Variants in GABRB2 observed in about 807,000 individuals in gnomAD.
GABRB2 encodes the protein gamma-aminobutyric acid receptor subunit beta-2.
A neutral mutation model predicts 54.7 loss-of-function variants in GABRB2; 16 were observed. That is an observed-to-expected ratio of 0.29 (90% CI 0.20 to 0.44). The LOEUF (loss-of-function observed/expected upper bound fraction) is 0.44. Among genes scored for constraint, GABRB2 ranks in the 20% least tolerant of loss-of-function variants. The probability of loss-of-function intolerance (pLI) is 1.00; values close to 1 mark genes in which losing one functional copy is unlikely to be tolerated. For synonymous variants in GABRB2, 244 were observed against 233.8 expected (o/e 1.04, Z -0.40); for missense variants, 355 against 644.0 (o/e 0.55, Z 4.86).
chr5:161,441,788 C>T (rs1001835005), intron 4 of GABRB2, among the ~76,000 whole-genome samples: 8 of 152,060 alleles, frequency 5.3e-5, no homozygotes, highest in Non-Finnish European at 1.2e-4. Flanking sequence ...GGAATAAGAT[C>T]CATTCATTTG....
intron 3 of GABRB2, among the ~76,000 whole-genome samples, chr5:161,523,520 TACAAC>T: frequency 6.6e-6 from 1 of 151,508 alleles, no homozygotes; most frequent in Non-Finnish European, 1.5e-5. Flanking sequence ...CATCTGAAAT[TACAAC>T]AATTTCAGAT....
chr5:161,369,600 G>C (rs2113465590), intron 5 of GABRB2, among the ~76,000 whole-genome samples: 1 of 151,932 alleles, frequency 6.6e-6, no homozygotes. Context: ...TGCATGTTAA[G>C]TTGTTTAAAT....
chr5:161,344,734 C>T (rs1380659485), intron 5 of GABRB2, among the ~76,000 whole-genome samples: 3 of 152,150 alleles, frequency 2.0e-5, no homozygotes, highest in African/African-American at 7.2e-5. Context: ...ACTATAAAGA[C>T]ACATGTACGC....
Position 161,347,457 on chromosome 5 carries a change from C to T in GABRB2, c.542-10688G>A, listed in dbSNP as rs114523479. Among the ~76,000 whole-genome samples, 966 of 152,138 alleles carry T rather than the reference C, an allele frequency of 6.3e-3. 10 individuals are homozygous for T. The highest frequency in any genetic ancestry group is 0.022 in the African/African-American group (911 of 41,526). On this transcript the variant is annotated intron_variant, in intron 5 of 9. Coordinates refer to ENST00000393959, the MANE Select transcript of GABRB2 (RefSeq NM_001371727.1). Reference sequence around the variant, plus strand: ...TTTGTAATGTGACTTTGCAGCTCCCCGCATGCAGAGGTAGAGTATTTCCCC... The same window carrying T: ...TTTGTAATGTGACTTTGCAGCTCCCTGCATGCAGAGGTAGAGTATTTCCCC...
At chr5:161,360,380 C>T (rs1172304899) in intron 5 of GABRB2, among the ~76,000 whole-genome samples, 1 of 151,958 alleles carries the variant, frequency 6.6e-6, no homozygotes, top group Admixed American at 6.5e-5. Flanking sequence ...AAAGAGGTTC[C>T]CAAGAGGCAA....
chr5:161,454,681 CTGAT>C (rs1757897166), intron 4 of GABRB2, among the ~76,000 whole-genome samples: 1 of 152,152 alleles, frequency 6.6e-6, no homozygotes, highest in East Asian at 1.9e-4. Context: ...TTATTTTACA[CTGAT>C]TGATCACTGA....
intron 2 of GABRB2, 145 bp from the exon 3 acceptor site, chr5:161,545,439 A>T: frequency 6.7e-6 from 1 of 149,124 alleles, no homozygotes; most frequent in Non-Finnish European, 1.2e-5. Context: ...TTTTTTGTTA[A>T]AAAAAAAAAA....
intron 5 of GABRB2, among the ~76,000 whole-genome samples, chr5:161,405,196 A>C (rs1422771511): frequency 1.3e-5 from 2 of 152,018 alleles, no homozygotes; most frequent in Non-Finnish European, 2.9e-5. Context: ...TCCTCAGGGT[A>C]AATGTTCCGT....
At chr5:161,410,898 A>G in intron 5 of GABRB2, 77 bp downstream of exon 5, 1 of 1,109,934 alleles carries the variant, frequency 9.0e-7, no homozygotes. Flanking sequence ...TGGTCTGGAC[A>G]TGAGCCAGGA....
At chr5:161,402,507 A>G (rs1752605843) in intron 5 of GABRB2, among the ~76,000 whole-genome samples, 1 of 152,224 alleles carries the variant, frequency 6.6e-6, no homozygotes, top group South Asian at 2.1e-4. Context: ...AAAGAATGCC[A>G]TCATTCAGCC....
At chr5:161,518,462 A>C (rs1457119612) in intron 3 of GABRB2, among the ~76,000 whole-genome samples, 2 of 152,206 alleles carry the variant, frequency 1.3e-5, no homozygotes, top group Non-Finnish European at 2.9e-5. Flanking sequence ...AGTAAATTAA[A>C]ATCTTCTGAA....
intron 3 of GABRB2, among the ~76,000 whole-genome samples, chr5:161,506,283 G>T (rs929072546): frequency 1.3e-5 from 2 of 152,004 alleles, no homozygotes; most frequent in African/African-American, 4.8e-5. Context: ...ATATGAAAAA[G>T]AAAATATTGT....
intron 3 of GABRB2, among the ~76,000 whole-genome samples, chr5:161,542,070 A>T (rs1760837725): frequency 6.6e-6 from 1 of 152,192 alleles, no homozygotes; most frequent in Non-Finnish European, 1.5e-5. Flanking sequence ...AGGGAGACGG[A>T]CAGGGGGATG....
chr5:161,496,947 G>C (rs567617820), intron 3 of GABRB2, among the ~76,000 whole-genome samples: 1 of 151,980 alleles, frequency 6.6e-6, no homozygotes, highest in Admixed American at 6.6e-5. Context: ...TTATAATAAG[G>C]CTGTATTTCC....
chr5:161,486,584 G>A (rs1758928447), intron 3 of GABRB2, among the ~76,000 whole-genome samples: 1 of 151,862 alleles, frequency 6.6e-6, no homozygotes, highest in South Asian at 2.1e-4. Flanking sequence ...TAGTCTGGAA[G>A]GATGGCACAT....
intron 5 of GABRB2, among the ~76,000 whole-genome samples, chr5:161,347,413 G>A (rs891559788): frequency 1.3e-5 from 2 of 152,058 alleles, no homozygotes; most frequent in African/African-American, 4.8e-5. Context: ...AAAAAAATCT[G>A]TAATTATGTA....
chr5:161,375,008 AT>A (rs1455278901), intron 5 of GABRB2, among the ~76,000 whole-genome samples: 9 of 152,180 alleles, frequency 5.9e-5, no homozygotes, highest in African/African-American at 2.2e-4. Context: ...ATGTTTTACT[AT>A]TGCTAACCAT....
chr5:161,392,957 T>C (rs980068315), intron 5 of GABRB2, among the ~76,000 whole-genome samples: 6 of 152,106 alleles, frequency 3.9e-5, no homozygotes, highest in African/African-American at 1.4e-4. Flanking sequence ...ATAAAAGGTA[T>C]GTAATATAGT....
rs779784302 is a variant in GABRB2 at position 161,459,812 on chromosome 5, G to A, written c.270C>T (p.Ala90=). The A allele has an allele frequency of 6.2e-7, 1 of 1,613,488 alleles. No individual in the cohort carries two copies. The highest frequency in any genetic ancestry group is 8.5e-7 in the Non-Finnish European group (1 of 1,179,506). ...DYTLTMYFQQ[A]WRDKRLSYNV... ...TATAGGACAGCCTCTTATCTCTCCAGGCTTGTTGAAAGTACATTGTCAAGG... is the reference window on the plus strand; with the variant it reads ...TATAGGACAGCCTCTTATCTCTCCAAGCTTGTTGAAAGTACATTGTCAAGG... The change falls in exon 4 of 10, where the codon GCC becomes GCT. Residue 90 remains alanine (A), a synonymous_variant. Coordinates refer to ENST00000393959, the MANE Select transcript of GABRB2 (RefSeq NM_001371727.1).
Sources: allele counts gnomAD v4.1 joint callset (sites outside exome capture counted in the v4.1 genomes callset), GRCh38; gene constraint gnomAD v4.1.1; transcripts MANE v1.5; gene names NCBI Gene and HGNC (gene_info 2026-07-23, HGNC 2026-07-21).